The following ZNF138 variants were observed in gnomAD, a reference collection of about 807,000 sequenced individuals.
ZNF138 encodes the protein zinc finger protein 138 (clone pHZ-32).
A neutral mutation model predicts 33.0 loss-of-function variants in ZNF138; 33 were observed. The observed-to-expected ratio is 1.00, with a 90% confidence interval of 0.76 to 1.34. The LOEUF is 1.34. Ranked by LOEUF, ZNF138 falls within the 40% of genes most tolerant of loss-of-function variation. The pLI is 0.00. For synonymous variants in ZNF138, 139 were observed against 120.4 expected (o/e 1.15, Z -1.01); for missense variants, 360 against 370.8 (o/e 0.97, Z 0.24).
chr7:64,853,451 G>T, the ZNF138 span: 1 of 655,566 alleles, frequency 1.5e-6, no homozygotes. Context: ...TTTGCGCCCC[G>T]AGTTAAACTT....
downstream of ZNF138, chr7:64,833,775 A>G (rs10949947): frequency 0.63 from 95,779 of 151,980 alleles, 30,709 homozygotes; most frequent in African/African-American, 0.73. Flanking sequence ...CCCAGGCTGG[A>G]GTGCACTGGT....
At chr7:64,827,348 C>T (rs7781296) in intron 3 of ZNF138, among the ~76,000 whole-genome samples, 149,727 of 151,926 alleles carry the variant, frequency 0.99, 73,817 homozygotes, top group East Asian at 1. Flanking sequence ...CCCGGGTTCA[C>T]GCCATTCTGC....
chr7:64,835,525 G>A (rs1441387895), downstream of ZNF138: 3 of 152,070 alleles, frequency 2.0e-5, no homozygotes, highest in Non-Finnish European at 4.4e-5. Flanking sequence ...GGACCAGGGT[G>A]GAGAGGGTCC....
At chr7:64,830,088 C>T (rs1274927720) in intron 3 of ZNF138, among the ~76,000 whole-genome samples, 1 of 152,206 alleles carries the variant, frequency 6.6e-6, no homozygotes, top group South Asian at 2.1e-4. Context: ...TTATGTCACA[C>T]AGTTTTCTTC....
intron 2 of ZNF138, 114 bp downstream of exon 2, chr7:64,815,158 T>A: frequency 1.8e-6 from 2 of 1,112,040 alleles, no homozygotes; most frequent in East Asian, 3.0e-5. Context: ...AGTTTCAGAT[T>A]CCTGTTTTCA....
intron 1 of ZNF138, among the ~76,000 whole-genome samples, chr7:64,807,450 C>T (rs1186692800): frequency 6.6e-6 from 1 of 152,198 alleles, no homozygotes; most frequent in Admixed American, 6.5e-5. Flanking sequence ...GAACTGTCTA[C>T]TTATATTCAT....
the ZNF138 span, chr7:64,852,720 A>G: frequency 2.9e-5 from 31 of 1,085,828 alleles, no homozygotes; most frequent in South Asian, 3.4e-4. Flanking sequence ...ATATCCAGCC[A>G]CTGATGCACA....
At chr7:64,852,116 GGTAA>G in the ZNF138 span, among the ~76,000 whole-genome samples, 40 of 152,152 alleles carry the variant, frequency 2.6e-4, no homozygotes, top group African/African-American at 9.4e-4. Context: ...TTCGGCAAAA[GGTAA>G]GTGTCTAAAG....
intron 1 of ZNF138, among the ~76,000 whole-genome samples, chr7:64,797,476 G>C (rs1786779752): frequency 6.6e-6 from 1 of 152,156 alleles, no homozygotes. Context: ...GCTTGCGCCA[G>C]TGACTGCAAG....
the ZNF138 span, among the ~76,000 whole-genome samples, chr7:64,847,334 T>TA: frequency 5.7e-3 from 537 of 93,566 alleles, 1 homozygote; most frequent in Middle Eastern, 0.011. Flanking sequence ...ATATATATAT[T>TA]TTTTTTTTTT....
the ZNF138 span, among the ~76,000 whole-genome samples, chr7:64,859,821 A>G: frequency 6.6e-6 from 1 of 152,210 alleles, no homozygotes. Flanking sequence ...TCTCTTTAAA[A>G]AACTCTGTAT....
intron 3 of ZNF138, among the ~76,000 whole-genome samples, chr7:64,828,006 T>C (rs1789779891): frequency 6.6e-6 from 1 of 152,176 alleles, no homozygotes; most frequent in Admixed American, 6.5e-5. Flanking sequence ...CCTTGTGTTT[T>C]TTATAACTTA....
intron 1 of ZNF138, among the ~76,000 whole-genome samples, chr7:64,803,404 T>C (rs79324945): frequency 0.033 from 4,959 of 152,212 alleles, 117 homozygotes; most frequent in Middle Eastern, 0.082. Flanking sequence ...GACTAAAAGA[T>C]ACCAAGTAAG....
Position 64,832,203 on chromosome 7 carries a change from CA to C in ZNF138, c.*3del. Reference sequence around the variant, plus strand: ...TGGCAAAGCTTTTAACCTATCTTAACAACTTACTGAACATAAGAAAATTTAC... The same window carrying C: ...TGGCAAAGCTTTTAACCTATCTTAACACTTACTGAACATAAGAAAATTTAC... On this transcript the variant is annotated 3_prime_UTR_variant, in exon 4 of 4. Coordinates refer to ENST00000307355, the MANE Select transcript of ZNF138 (RefSeq NM_001271639.2). The C allele has an allele frequency of 6.2e-7, 1 of 1,603,988 alleles. No individual in the cohort carries two copies. The highest frequency in any genetic ancestry group is 8.5e-7 in the Non-Finnish European group (1 of 1,176,962).
intron 1 of ZNF138, among the ~76,000 whole-genome samples, chr7:64,795,681 C>CTT (rs35138594): frequency 1.1e-4 from 16 of 141,182 alleles, no homozygotes; most frequent in African/African-American, 3.4e-4. Context: ...ATCTCTGTGC[C>CTT]TTTTTTTTTT....
chr7:64,835,354 G>A (rs192814580), downstream of ZNF138: 1 of 152,214 alleles, frequency 6.6e-6, no homozygotes, highest in Non-Finnish European at 1.5e-5. Flanking sequence ...TGGACGTAGG[G>A]GTGAAGTAAC....
At position 64,794,496 on chromosome 7, in the gene ZNF138, G is replaced by T. The variant is rs1786526451; in HGVS notation, c.-73G>T. 4 of 1,607,134 alleles carry T rather than the reference G, an allele frequency of 2.5e-6. No homozygotes were observed. Among genetic ancestry groups the T allele is most frequent in the African/African-American group, 1.3e-5 (1 of 74,726 alleles). On this transcript the variant is annotated 5_prime_UTR_variant, in exon 1 of 4. Transcript: ENST00000307355. ...GCGTCCTCTTACTCCTAGAGGCCCA[G>T]CCTCTGTGGCGCTGTGATCTGGTTA... is the stretch of plus-strand genomic sequence containing the variant.
the ZNF138 span, chr7:64,852,884 A>G: frequency 1.1e-6 from 1 of 941,538 alleles, no homozygotes; most frequent in Admixed American, 1.7e-5. Context: ...GCCGCCCATT[A>G]CAGACGTTTC....
intron 3 of ZNF138, among the ~76,000 whole-genome samples, chr7:64,822,146 C>T (rs183665121): frequency 9.0e-4 from 136 of 150,664 alleles, no homozygotes; most frequent in South Asian, 1.7e-3. Context: ...GTCTCGATCT[C>T]CTGACCTCAA....
Sources: allele counts gnomAD v4.1 joint callset (sites outside exome capture counted in the v4.1 genomes callset), GRCh38; gene constraint gnomAD v4.1.1; transcripts MANE v1.5; gene names NCBI Gene and HGNC (gene_info 2026-07-23, HGNC 2026-07-21).